Variants in DCAF8L2 observed in about 807,000 individuals in gnomAD.
DCAF8L2 encodes the protein DDB1 and CUL4 associated factor 8 like 2.
For synonymous variants in DCAF8L2, 200 were observed against 190.9 expected (o/e 1.05, Z -0.39); for missense variants, 430 against 490.7 (o/e 0.88, Z 1.17).
chrX:27,526,883 G>C, the DCAF8L2 span, among the ~76,000 whole-genome samples: 4 of 112,359 alleles, frequency 3.6e-5, no homozygotes, highest in Non-Finnish European at 5.6e-5. Context: ...CGTTCCTCTG[G>C]AAGCTTCGTC....
chrX:27,529,717 T>C, the DCAF8L2 span, among the ~76,000 whole-genome samples: 1 of 112,092 alleles, frequency 8.9e-6, no homozygotes, highest in East Asian at 2.8e-4. Context: ...CATGAAGGAT[T>C]AAATCAAGAA....
At chrX:27,704,173 T>TATATATATATATATATATATAC (rs757835089) in intron 3 of DCAF8L2, among the ~76,000 whole-genome samples, 16 of 44,276 alleles carry the variant, frequency 3.6e-4, no homozygotes, top group African/African-American at 2.2e-3. Flanking sequence ...TATATATATA[T>TATATATATATATATATATATAC]ACATATACAC....
intron 1 of DCAF8L2, among the ~76,000 whole-genome samples, chrX:27,629,377 G>A (rs943485880): frequency 2.7e-5 from 3 of 111,635 alleles, no homozygotes; most frequent in Admixed American, 9.5e-5. Context: ...GCTGATTTTA[G>A]TGTATGGTTT....
chrX:27,592,300 G>A (rs765746612), intron 1 of DCAF8L2, among the ~76,000 whole-genome samples: 1 of 112,268 alleles, frequency 8.9e-6, no homozygotes, highest in Admixed American at 9.4e-5. Flanking sequence ...TGCATGTGCT[G>A]CCGCACCACA....
chrX:27,513,879 A>G, the DCAF8L2 span, among the ~76,000 whole-genome samples: 1 of 110,536 alleles, frequency 9.0e-6, no homozygotes, highest in Admixed American at 9.5e-5. Flanking sequence ...TATCTGAAAC[A>G]CAAAATAATA....
the DCAF8L2 span, among the ~76,000 whole-genome samples, chrX:27,495,011 C>T: frequency 9.0e-6 from 1 of 111,128 alleles, no homozygotes; most frequent in African/African-American, 3.3e-5. Flanking sequence ...ACGTACTGCT[C>T]TATTTTATTC....
intron 1 of DCAF8L2, among the ~76,000 whole-genome samples, chrX:27,609,065 A>C (rs1472945582): frequency 2.7e-5 from 3 of 111,715 alleles, no homozygotes; most frequent in Non-Finnish European, 3.8e-5. Context: ...CTGGAGACTT[A>C]ACATGTATTA....
At chrX:27,690,019 T>A (rs961682508) in intron 3 of DCAF8L2, among the ~76,000 whole-genome samples, 1 of 111,812 alleles carries the variant, frequency 8.9e-6, no homozygotes, top group Non-Finnish European at 1.9e-5. Context: ...TAATTATATA[T>A]GCATATATTC....
intron 1 of DCAF8L2, among the ~76,000 whole-genome samples, chrX:27,591,675 C>T (rs1240913452): frequency 8.9e-5 from 10 of 111,767 alleles, no homozygotes; most frequent in Non-Finnish European, 1.7e-4. Context: ...GCAGAGCATA[C>T]ATTATATTTC....
At chrX:27,507,878 T>G in the DCAF8L2 span, among the ~76,000 whole-genome samples, 1 of 111,549 alleles carries the variant, frequency 9.0e-6, no homozygotes, top group Non-Finnish European at 1.9e-5. Flanking sequence ...ATAATCTATG[T>G]AAATATATGA....
intron 2 of DCAF8L2, among the ~76,000 whole-genome samples, chrX:27,650,978 T>A (rs1272775126): frequency 2.7e-5 from 3 of 111,704 alleles, no homozygotes; most frequent in Non-Finnish European, 5.6e-5. Flanking sequence ...CTTCAGTGCC[T>A]AATTTATTGA....
chrX:27,582,372 A>T, the DCAF8L2 span, among the ~76,000 whole-genome samples: 8 of 111,223 alleles, frequency 7.2e-5, no homozygotes, highest in Admixed American at 3.8e-4. Context: ...CTTTTTCAGG[A>T]TCCAATGTAC....
intron 1 of DCAF8L2, among the ~76,000 whole-genome samples, chrX:27,628,618 T>G (rs944769202): frequency 9.5e-4 from 103 of 108,932 alleles, no homozygotes; most frequent in Non-Finnish European, 1.7e-3. Context: ...TTTTTTTTTT[T>G]TTTGAGACGG....
the DCAF8L2 span, among the ~76,000 whole-genome samples, chrX:27,503,689 C>A: frequency 9.0e-6 from 1 of 111,112 alleles, no homozygotes; most frequent in African/African-American, 3.3e-5. Flanking sequence ...ATTTATATAG[C>A]AAGTCTTAAA....
the DCAF8L2 span, among the ~76,000 whole-genome samples, chrX:27,538,933 C>T: frequency 1.8e-5 from 2 of 112,452 alleles, no homozygotes; most frequent in Non-Finnish European, 3.7e-5. Flanking sequence ...CTATGCCGAA[C>T]TTAAGCAGTG....
the DCAF8L2 span, among the ~76,000 whole-genome samples, chrX:27,570,123 G>A: frequency 9.0e-6 from 1 of 110,644 alleles, no homozygotes; most frequent in Non-Finnish European, 1.9e-5. Flanking sequence ...TCTTCCTGTC[G>A]CACCTCCTTC....
intron 3 of DCAF8L2, among the ~76,000 whole-genome samples, chrX:27,715,751 C>T (rs1262196786): frequency 1.8e-5 from 2 of 111,727 alleles, no homozygotes; most frequent in Non-Finnish European, 3.8e-5. Flanking sequence ...CAAGCTATGT[C>T]ATAATAAAAA....
chrX:27,673,903 A>G (rs1208057822), intron 2 of DCAF8L2, among the ~76,000 whole-genome samples: 1 of 111,282 alleles, frequency 9.0e-6, no homozygotes, highest in African/African-American at 3.3e-5. Flanking sequence ...TAGAAAGTAG[A>G]AGATTTGAAA....
intron 1 of DCAF8L2, among the ~76,000 whole-genome samples, chrX:27,615,168 A>C (rs1051095634): frequency 9.0e-6 from 1 of 111,664 alleles, no homozygotes; most frequent in Non-Finnish European, 1.9e-5. Flanking sequence ...TTACTCTAAA[A>C]AGGAATTAAT....
Sources: allele counts gnomAD v4.1 joint callset (sites outside exome capture counted in the v4.1 genomes callset), GRCh38; gene constraint gnomAD v4.1.1; transcripts MANE v1.5; gene names NCBI Gene and HGNC (gene_info 2026-07-23, HGNC 2026-07-21).